FNBP1L: variants seen among roughly 807,000 people sequenced by gnomAD.
The protein encoded by FNBP1L is formin binding protein 1 like, also known as formin-binding protein 1-like.
FNBP1L carries 36 observed loss-of-function variants against 91.2 expected under a neutral mutation model. That is an observed-to-expected ratio of 0.39 (90% confidence interval 0.30 to 0.52). The LOEUF is 0.52. FNBP1L is among the 20% of genes least tolerant of loss of function. The probability of loss-of-function intolerance (pLI) is 0.66; values close to 1 mark genes in which losing one functional copy is unlikely to be tolerated. For missense variants in FNBP1L, 571 were observed against 732.1 expected (o/e 0.78, Z 2.54); for synonymous variants, 242 against 237.0 (o/e 1.02, Z -0.19).
At chr1:93,488,381 C>G (rs1352261599) in intron 1 of FNBP1L, 4 of 152,172 alleles carry the variant, frequency 2.6e-5, no homozygotes, top group Non-Finnish European at 5.9e-5. Context: ...CAAATACTAA[C>G]CAGGCCTGAC....
At chr1:93,511,667 G>T (rs1239820404) in intron 2 of FNBP1L, among the ~76,000 whole-genome samples, 13 of 152,192 alleles carry the variant, frequency 8.5e-5, no homozygotes, top group Admixed American at 2.6e-4. Flanking sequence ...TGGCAAATTG[G>T]ATAAAGAGTC....
chr1:93,551,031 C>T lies in FNBP1L; in HGVS notation c.1736C>T (p.Ala579Val). Residue 579 changes from alanine to valine, a missense_variant, in exon 16 of 17, where the codon GCT becomes GTT. This residue lies in a region of FNBP1L where 189 missense variants were observed against 219.7 expected (regional missense o/e 0.86). Transcript: ENST00000271234. Reference sequence around the variant, plus strand: ...GACAAAGGTGACGGATGGACAAGAGCTCGGAGACAGAACGGTGAAGAAGGC... The same window carrying T: ...GACAAAGGTGACGGATGGACAAGAGTTCGGAGACAGAACGGTGAAGAAGGC... ...EEDKGDGWTR[A>V]RRQNGEEGYV... The T allele has an allele frequency of 6.2e-7, 1 of 1,612,798 alleles. No homozygotes were observed. Among genetic ancestry groups the T allele is most frequent in the Non-Finnish European group, 8.5e-7 (1 of 1,179,288 alleles).
intron 15 of FNBP1L, among the ~76,000 whole-genome samples, chr1:93,550,710 G>A (rs577588757): frequency 3.4e-4 from 52 of 152,256 alleles, no homozygotes; most frequent in African/African-American, 1.3e-3. Flanking sequence ...AACTTCATCC[G>A]TTACATGGGG....
chr1:93,487,587 G>T (rs1022903071), intron 1 of FNBP1L, among the ~76,000 whole-genome samples: 17 of 152,160 alleles, frequency 1.1e-4, no homozygotes, highest in African/African-American at 4.1e-4. Flanking sequence ...CAGAAAAAGA[G>T]AAAATCATAT....
intron 3 of FNBP1L, 52 bp downstream of exon 3, chr1:93,522,187 A>G: frequency 1.1e-6 from 1 of 876,562 alleles, no homozygotes. Context: ...AAAAATACTT[A>G]TATTTTTATT....
chr1:93,549,941 T>G (rs1291488801), intron 15 of FNBP1L, among the ~76,000 whole-genome samples: 4 of 152,222 alleles, frequency 2.6e-5, no homozygotes, highest in Non-Finnish European at 5.9e-5. Flanking sequence ...TATCTCTTAC[T>G]CTATGAAAGT....
At chr1:93,515,825 TAGTG>T (rs745628707) in intron 2 of FNBP1L, among the ~76,000 whole-genome samples, 1 of 150,924 alleles carries the variant, frequency 6.6e-6, no homozygotes, top group African/African-American at 2.4e-5. Flanking sequence ...GATGACGAGT[TAGTG>T]AGTGCAGCCC....
intron 1 of FNBP1L, among the ~76,000 whole-genome samples, chr1:93,448,612 C>T (rs967435893): frequency 2.0e-5 from 3 of 152,144 alleles, no homozygotes; most frequent in Admixed American, 1.3e-4. Flanking sequence ...TTCCTTCTCC[C>T]TCCTCCACCT....
At chr1:93,503,478 TA>T (rs2101728690) in intron 2 of FNBP1L, among the ~76,000 whole-genome samples, 1 of 152,344 alleles carries the variant, frequency 6.6e-6, no homozygotes, top group Non-Finnish European at 1.5e-5. Flanking sequence ...ATTACAAGAT[TA>T]AAATTTCTTA....
chr1:93,502,023 T>TA (rs1018439489), intron 2 of FNBP1L, among the ~76,000 whole-genome samples: 1 of 152,176 alleles, frequency 6.6e-6, no homozygotes, highest in African/African-American at 2.4e-5. Context: ...GATAAAGTTT[T>TA]AAAAAAATCA....
chr1:93,459,625 A>T (rs1184574026), intron 1 of FNBP1L, among the ~76,000 whole-genome samples: 6 of 152,220 alleles, frequency 3.9e-5, no homozygotes, highest in Non-Finnish European at 5.9e-5. Flanking sequence ...TGTTGATGGG[A>T]ATGTAAATTA....
Position 93,553,041 on chromosome 1 carries a change from CATT to C in FNBP1L, c.*626_*628del, listed in dbSNP as rs1053489925. The C allele has an allele frequency of 6.6e-6, 1 of 152,400 alleles. No individual in the cohort carries two copies. The highest frequency in any genetic ancestry group is 1.5e-5 in the Non-Finnish European group (1 of 68,056). 9.4% of individuals were successfully genotyped at this position (152,400 alleles called of 1,614,324 possible). A position where few individuals can be genotyped will look rare whatever the true frequency, so the allele number is the denominator to read the frequency against. On this transcript the variant is annotated 3_prime_UTR_variant, in exon 17 of 17. Coordinates refer to ENST00000271234, the MANE Select transcript of FNBP1L (RefSeq NM_001164473.3). ...ACTGCTATAACTTCCCCACTGCAAA[CATT>C]CCAGTTTTGGCATTACGAAGAAGTA...
intron 5 of FNBP1L, among the ~76,000 whole-genome samples, chr1:93,527,523 A>AAGGTTGCAAGGTGC (rs1199070996): frequency 1.3e-5 from 2 of 152,168 alleles, no homozygotes; most frequent in African/African-American, 4.8e-5. Context: ...GAATTCTCAG[A>AAGGTTGCAAGGTGC]GCACAGGTTG....
At chr1:93,484,534 CT>C (rs1287640483) in intron 1 of FNBP1L, among the ~76,000 whole-genome samples, 1 of 152,140 alleles carries the variant, frequency 6.6e-6, no homozygotes, top group African/African-American at 2.4e-5. Context: ...CTTGAATCCC[CT>C]GTTCGCTAAT....
At chr1:93,537,228 A>G (rs182246432) in intron 10 of FNBP1L, among the ~76,000 whole-genome samples, 17 of 152,244 alleles carry the variant, frequency 1.1e-4, no homozygotes, top group African/African-American at 3.9e-4. Context: ...AGACTCATTT[A>G]TAAGATTTGA....
intron 2 of FNBP1L, among the ~76,000 whole-genome samples, chr1:93,513,213 A>C (rs1253534160): frequency 6.6e-6 from 1 of 151,832 alleles, no homozygotes; most frequent in Non-Finnish European, 1.5e-5. Context: ...CCCAAGACTA[A>C]ACCAGGAAGA....
intron 1 of FNBP1L, among the ~76,000 whole-genome samples, chr1:93,483,376 G>A (rs548875932): frequency 5.9e-5 from 9 of 152,036 alleles, no homozygotes; most frequent in Non-Finnish European, 1.0e-4. Context: ...AATCATTTCC[G>A]TTTTACTCAG....
chr1:93,513,560 G>A (rs1239071212), intron 2 of FNBP1L, among the ~76,000 whole-genome samples: 4 of 150,148 alleles, frequency 2.7e-5, no homozygotes, highest in Admixed American at 6.6e-5. Flanking sequence ...ACATCAAAAA[G>A]CTTATCCACC....
At chr1:93,482,705 C>A (rs748336365) in intron 1 of FNBP1L, among the ~76,000 whole-genome samples, 1 of 151,972 alleles carries the variant, frequency 6.6e-6, no homozygotes, top group Non-Finnish European at 1.5e-5. Flanking sequence ...CTAGCCTGGG[C>A]AACATGGTGA....
Sources: allele counts gnomAD v4.1 joint callset (sites outside exome capture counted in the v4.1 genomes callset), GRCh38; gene constraint gnomAD v4.1.1; regional missense constraint gnomAD v4.1.1; transcripts MANE v1.5; gene names NCBI Gene and HGNC (gene_info 2026-07-23, HGNC 2026-07-21).